Variants in TECRL observed in about 807,000 individuals in gnomAD.
TECRL encodes trans-2,3-enoyl-CoA reductase-like.
Under a neutral mutation model 52.8 loss-of-function variants are expected in TECRL, and 63 were observed. The ratio of observed to expected loss-of-function variants is 1.19; its 90% CI spans 0.97 to 1.47. The LOEUF is 1.47. Among genes scored for constraint, TECRL ranks in the 40% most tolerant of loss-of-function variants. The probability of loss-of-function intolerance (pLI) is 0.00; values close to 1 mark genes in which losing one functional copy is unlikely to be tolerated. For missense variants in TECRL, 482 were observed against 429.6 expected (o/e 1.12, Z -1.08); for synonymous variants, 164 against 141.9 (o/e 1.16, Z -1.10).
At chr4:64,308,564 T>A (rs1696364762) in intron 6 of TECRL, among the ~76,000 whole-genome samples, 1 of 152,184 alleles carries the variant, frequency 6.6e-6, no homozygotes, top group Admixed American at 6.5e-5. Flanking sequence ...TATCCGAATT[T>A]ATCCCCATTT....
chr4:64,355,028 T>A (rs1182684196), intron 2 of TECRL, among the ~76,000 whole-genome samples: 1 of 152,200 alleles, frequency 6.6e-6, no homozygotes, highest in South Asian at 2.1e-4. Context: ...CTAGTAGTTA[T>A]GAGATTAGCA....
At chr4:64,353,126 C>G (rs1720515646) in intron 2 of TECRL, among the ~76,000 whole-genome samples, 1 of 152,178 alleles carries the variant, frequency 6.6e-6, no homozygotes, top group Admixed American at 6.5e-5. Flanking sequence ...TAGTGTATAA[C>G]TATTTTTCTT....
At chr4:64,303,985 C>T (rs1209431918) in intron 7 of TECRL, among the ~76,000 whole-genome samples, 1 of 151,526 alleles carries the variant, frequency 6.6e-6, no homozygotes, top group Admixed American at 6.6e-5. Context: ...TTCTAGCCTT[C>T]AATGGGGAAT....
rs1003494773 is a variant in TECRL, at chr4:64,328,493, A to G, written c.331+19T>C. On this transcript the variant is annotated intron_variant, in intron 3 of 11. Transcript: ENST00000381210. ...GGATTATAAATTAAATAAACACATC[A>G]GTGAAAAATGCTTCTTACCACATTC... 1.9e-6 allele frequency: 3 copies of G among 1,605,016 alleles called. No individual in the cohort carries two copies. Among genetic ancestry groups the G allele is most frequent in the Non-Finnish European group, 1.7e-6 (2 of 1,172,980 alleles).
intron 2 of TECRL, among the ~76,000 whole-genome samples, chr4:64,339,940 G>A (rs1719433793): frequency 6.6e-6 from 1 of 152,108 alleles, no homozygotes; most frequent in African/African-American, 2.4e-5. Context: ...ATCACAACCT[G>A]AGGAACGTAC....
At chr4:64,357,694 A>G (rs1056940351) in intron 2 of TECRL, among the ~76,000 whole-genome samples, 12 of 151,570 alleles carry the variant, frequency 7.9e-5, no homozygotes, top group African/African-American at 2.9e-4. Context: ...TGTAGAAAAT[A>G]AAACTAGAAA....
chr4:64,380,833 C>T (rs142541689), intron 1 of TECRL, among the ~76,000 whole-genome samples: 1,881 of 152,070 alleles, frequency 0.012, 47 homozygotes, highest in African/African-American at 0.043. Context: ...AGTGTGATGC[C>T]TCCAGCTTTG....
In TECRL at chr4:64,305,246, C is replaced by T; in HGVS notation, c.658-8G>A. Reference sequence around the variant, plus strand: ...CCAGTAAAAGGCACAACTCTGCAAACAAAACAAAACAAAATAAAAGTTAGG... The same window carrying T: ...CCAGTAAAAGGCACAACTCTGCAAATAAAACAAAACAAAATAAAAGTTAGG... On this transcript the variant is annotated splice_region_variant and splice_polypyrimidine_tract_variant and intron_variant, in intron 6 of 11. Transcript: ENST00000381210. 6.2e-7 allele frequency: 1 copy of T among 1,606,198 alleles called. No individual in the cohort carries two copies.
chr4:64,367,747 G>A (rs892572572), intron 2 of TECRL, among the ~76,000 whole-genome samples: 2 of 152,168 alleles, frequency 1.3e-5, no homozygotes, highest in South Asian at 4.2e-4. Flanking sequence ...GTTTAAGAAT[G>A]TATGTAGTAT....
Position 64,406,106 on chromosome 4 carries a change from G to A in TECRL, c.234+3012C>T, listed in dbSNP as rs368948925. ...TAATGAGAGAAATGGGCAAAAACTA[G>A]AGACGACAGCAGAGGCAAGAGAAAG... On this transcript the variant is annotated intron_variant, in intron 1 of 11. Coordinates refer to ENST00000381210, the MANE Select transcript of TECRL (RefSeq NM_001010874.5). Among the ~76,000 whole-genome samples, 12 of 152,080 alleles carry A rather than the reference G, an allele frequency of 7.9e-5. No individual in the cohort carries two copies. In the South Asian group the frequency reaches 1.9e-3, roughly 24 times the overall value.
Position 64,377,777 on chromosome 4 carries a change from G to A in TECRL, c.235-2554C>T, listed in dbSNP as rs564171498. 2.0e-5 allele frequency among the ~76,000 whole-genome samples: 3 copies of A among 152,114 alleles called. No homozygotes were observed. The East Asian group carries it at 5.8e-4, about 29-fold the overall frequency. On this transcript the variant is annotated intron_variant, in intron 1 of 11. Coordinates refer to ENST00000381210, the MANE Select transcript of TECRL (RefSeq NM_001010874.5). ...TTTAATCTGGAATTTGTTTGAATTT[G>A]CCCAATATGCATTTACTACAGTTTT...
intron 9 of TECRL, among the ~76,000 whole-genome samples, chr4:64,286,747 A>G (rs1723101385): frequency 6.6e-6 from 1 of 152,164 alleles, no homozygotes. Context: ...ACAAAGCAAG[A>G]TAAAGAGTGA....
At position 64,350,895 on chromosome 4, in the gene TECRL, G is replaced by A. The variant is rs189267589; in HGVS notation, c.287-22339C>T. 8.5e-4 allele frequency among the ~76,000 whole-genome samples: 128 copies of A among 151,216 alleles called. 1 individual carries two copies. The highest frequency in any genetic ancestry group is 3.0e-3 in the African/African-American group (123 of 41,258). On this transcript the variant is annotated intron_variant, in intron 2 of 11. Transcript: ENST00000381210. ...GTCAAGTTGTGTGAAAAGTTTTATA[G>A]AAATCAGTGATTTTAACTAATCAGT... is the stretch of plus-strand genomic sequence containing the variant.
Position 64,406,165 on chromosome 4 carries a change from C to CGCGCGCGT in TECRL, c.234+2952_234+2953insACGCGCGC, listed in dbSNP as rs567557448. 2.7e-5 allele frequency among the ~76,000 whole-genome samples: 4 copies of CGCGCGCGT among 146,082 alleles called. No individual in the cohort carries two copies. The East Asian group carries it at 8.0e-4, about 29-fold the overall frequency. The stretch of plus-strand genomic sequence containing the variant: ...TTTGTTAGGCGCGCGCGCGCGCGCG[C>CGCGCGCGT]GTGTGTGTGTGTGTGTATGTGTGTA... On this transcript the variant is annotated intron_variant, in intron 1 of 11. Transcript: ENST00000381210.
At chr4:64,322,641 T>TAG (rs1467931238) in intron 4 of TECRL, 48 bp downstream of exon 4, 1 of 1,327,874 alleles carries the variant, frequency 7.5e-7, no homozygotes, top group African/African-American at 1.5e-5. Flanking sequence ...ATAAATTATT[T>TAG]AGAGCAAAAT....
intron 9 of TECRL, among the ~76,000 whole-genome samples, chr4:64,287,495 A>C (rs1167140300): frequency 2.6e-5 from 4 of 152,170 alleles, no homozygotes; most frequent in African/African-American, 9.6e-5. Context: ...ATTTGAATTT[A>C]CAATAAAATT....
rs1722624885 is a variant in TECRL at position 64,277,805 on chromosome 4, T to A, written c.*2267A>T. ...AATTTAAAAATGAAGAAACTGAAAATTTTTTTAAATATTTTAAATAATGTG... is the reference window on the plus strand; with the variant it reads ...AATTTAAAAATGAAGAAACTGAAAAATTTTTTAAATATTTTAAATAATGTG... On this transcript the variant is annotated 3_prime_UTR_variant, in exon 12 of 12. Coordinates refer to ENST00000381210, the MANE Select transcript of TECRL (RefSeq NM_001010874.5). The A allele has an allele frequency of 5.6e-4, 1 of 1,774 alleles. No homozygotes were observed. Among genetic ancestry groups the A allele is most frequent in the African/African-American group, 6.9e-4 (1 of 1,448 alleles). The allele number at this position is 1,774 out of a possible 1,614,324, so 0.1% of individuals were successfully genotyped here.
At chr4:64,319,082 T>C (rs1369019393) in intron 4 of TECRL, among the ~76,000 whole-genome samples, 2 of 151,912 alleles carry the variant, frequency 1.3e-5, no homozygotes, top group Non-Finnish European at 3.0e-5. Flanking sequence ...AAATGTATAT[T>C]AGCATTTAAT....
At chr4:64,343,218 G>A (rs1437041231) in intron 2 of TECRL, among the ~76,000 whole-genome samples, 1 of 152,098 alleles carries the variant, frequency 6.6e-6, no homozygotes, top group Non-Finnish European at 1.5e-5. Context: ...AGCTTGGTAA[G>A]AAATAGATAT....
Sources: allele counts gnomAD v4.1 joint callset (sites outside exome capture counted in the v4.1 genomes callset), GRCh38; gene constraint gnomAD v4.1.1; transcripts MANE v1.5; gene names NCBI Gene and HGNC (gene_info 2026-07-23, HGNC 2026-07-21).